The following SAAL1 variants were observed in gnomAD, a reference collection of about 807,000 sequenced individuals.
The protein encoded by SAAL1 is serum amyloid A like 1, also known as protein SAAL1.
Under a neutral mutation model 59.8 loss-of-function variants are expected in SAAL1, and 42 were observed. That is an observed-to-expected ratio of 0.70 (90% CI 0.55 to 0.91). The LOEUF (loss-of-function observed/expected upper bound fraction) is 0.91, where lower values mean the gene tolerates loss of function less well. Ranked by LOEUF, SAAL1 falls within the 40% of genes least tolerant of loss-of-function variation. SAAL1 has a pLI of 0.00. For synonymous variants in SAAL1, 191 were observed against 194.3 expected (o/e 0.98, Z 0.14); for missense variants, 542 against 561.1 (o/e 0.97, Z 0.34).
intron 11 of SAAL1, 95 bp from the exon 12 acceptor site, chr11:18,080,586 A>G (rs1485235903): frequency 2.9e-6 from 2 of 701,172 alleles, no homozygotes; most frequent in South Asian, 1.9e-5. Context: ...AAATGGTCCA[A>G]TGGAAAAGAA....
intron 10 of SAAL1, among the ~76,000 whole-genome samples, chr11:18,082,814 T>C (rs922116979): frequency 2.6e-5 from 4 of 152,150 alleles, no homozygotes; most frequent in African/African-American, 9.7e-5. Flanking sequence ...GTATTTTTTG[T>C]AGAGATGAGG....
chr11:18,084,579 G>C (rs981266536), intron 9 of SAAL1, among the ~76,000 whole-genome samples: 2 of 152,126 alleles, frequency 1.3e-5, no homozygotes, highest in Admixed American at 1.3e-4. Flanking sequence ...TGTCTGGAAT[G>C]TTCTTCTCCC....
intron 3 of SAAL1, among the ~76,000 whole-genome samples, chr11:18,093,227 G>A (rs908880256): frequency 2.6e-5 from 4 of 152,156 alleles, no homozygotes; most frequent in Admixed American, 2.6e-4. Flanking sequence ...CAAGAGTAGT[G>A]ATGCTGGCAA....
Position 18,083,425 on chromosome 11 carries a change from T to C in SAAL1, c.1239+110A>G, listed in dbSNP as rs1848430795. ...TCATGGTGATATTAAGATTTTACTT[T>C]ATTTTCCCAAATTATATATTACTTT... On this transcript the variant is annotated intron_variant, in intron 10 of 11. Transcript: ENST00000524803. The C allele has an allele frequency of 1.4e-5, 9 of 627,364 alleles. No individual in the cohort carries two copies. In the South Asian group the frequency reaches 1.7e-4, roughly 12 times the overall value. 38.9% of individuals were successfully genotyped at this position (627,364 alleles called of 1,614,324 possible). A position where few individuals can be genotyped will look rare whatever the true frequency, so the allele number is the denominator to read the frequency against.
chr11:18,091,563 T>C (rs1848523927), intron 4 of SAAL1, among the ~76,000 whole-genome samples: 1 of 152,202 alleles, frequency 6.6e-6, no homozygotes. Flanking sequence ...TGACAAAAAC[T>C]GCCTAGAACA....
chr11:18,083,475 G>A, intron 10 of SAAL1, 60 bp downstream of exon 10: 4 of 923,280 alleles, frequency 4.3e-6, no homozygotes, highest in Non-Finnish European at 6.3e-6. Context: ...AATAAAGTTT[G>A]AAGCGTTAAG....
At chr11:18,083,360 T>C (rs1443398313) in intron 10 of SAAL1, 175 bp downstream of exon 10, 6 of 493,100 alleles carry the variant, frequency 1.2e-5, no homozygotes, top group Non-Finnish European at 2.1e-5. Flanking sequence ...CACGTAAATA[T>C]ACCAAACCAC....
chr11:18,087,239 G>A lies in SAAL1; in HGVS notation c.771-14C>T. The A allele has an allele frequency of 6.4e-7, 1 of 1,559,440 alleles. No individual in the cohort carries two copies. Among genetic ancestry groups the A allele is most frequent in the Non-Finnish European group, 8.8e-7 (1 of 1,130,848 alleles). On this transcript the variant is annotated splice_polypyrimidine_tract_variant and intron_variant, in intron 7 of 11. Transcript: ENST00000524803. ...GGATTTTCAGAACTAAATAGGAAAA[G>A]TAAAAGCACTGAATCAACAACTTTA...
At position 18,086,465 on chromosome 11, in the gene SAAL1, G is replaced by A. The variant is rs541992854; in HGVS notation, c.1042+401C>T. 7.9e-5 allele frequency among the ~76,000 whole-genome samples: 12 copies of A among 152,264 alleles called. No individual in the cohort carries two copies. The East Asian group carries it at 9.7e-4, about 12-fold the overall frequency. On this transcript the variant is annotated intron_variant, in intron 9 of 11. Transcript: ENST00000524803. ...TGTAATCCCAGCACTTTGGGAGGCCGAGGTGGGTGGATCACCTGAGGTCGG... is the reference window on the plus strand; with the variant it reads ...TGTAATCCCAGCACTTTGGGAGGCCAAGGTGGGTGGATCACCTGAGGTCGG...
chr11:18,082,865 C>T (rs1400469358), intron 10 of SAAL1, among the ~76,000 whole-genome samples: 1 of 152,112 alleles, frequency 6.6e-6, no homozygotes, highest in Non-Finnish European at 1.5e-5. Context: ...CTCCTGGGCT[C>T]AAGTGATCCA....
chr11:18,090,089 A>T, intron 6 of SAAL1, 86 bp downstream of exon 6: 1 of 1,270,182 alleles, frequency 7.9e-7, no homozygotes, highest in Non-Finnish European at 1.1e-6. Context: ...TTTTTTAAAA[A>T]GGTGACTTCT....
intron 9 of SAAL1, among the ~76,000 whole-genome samples, chr11:18,086,489 G>A (rs534699841): frequency 1.3e-5 from 2 of 152,092 alleles, no homozygotes; most frequent in South Asian, 2.1e-4. Context: ...ACCTGAGGTC[G>A]GGAGTTCGAG....
At position 18,086,997 on chromosome 11, in the gene SAAL1, T is replaced by C. The variant is rs372728137; in HGVS notation, c.911A>G (p.His304Arg). ...IWNLLFDLVC[H>R]EFCQSDDPPI... Reference sequence around the variant, plus strand: ...TGGATCATCAGACTGGCAGAATTCATGGCAGACCAGGTCAAAAAGTAAATT... The same window carrying C: ...TGGATCATCAGACTGGCAGAATTCACGGCAGACCAGGTCAAAAAGTAAATT... The change falls in exon 9 of 12, where the codon CAT becomes CGT. Residue 304 changes from histidine to arginine, a missense_variant. Transcript: ENST00000524803. 1 of 1,614,006 alleles carries C rather than the reference T, an allele frequency of 6.2e-7. No homozygotes were observed. The highest frequency in any genetic ancestry group is 8.5e-7 in the Non-Finnish European group (1 of 1,179,964).
chr11:18,090,245 C>A lies in SAAL1; in HGVS notation c.519G>T (p.Trp173Cys), dbSNP rs367917418. The A allele has an allele frequency of 3.6e-5, 58 of 1,609,768 alleles. No homozygotes were observed. Among genetic ancestry groups the A allele is most frequent in the Middle Eastern group, 1.7e-4 (1 of 6,050 alleles). Reference sequence around the variant, plus strand: ...CTGGATGTTCCTGGATCCTTTCAACCCAAACACTGGCCACTTCTGCCTGGG... The same window carrying A: ...CTGGATGTTCCTGGATCCTTTCAACACAAACACTGGCCACTTCTGCCTGGG... ...CLSQAEVASV[W>C]VERIQEHPAI... Residue 173 changes from tryptophan (W) to cysteine (C), a missense_variant, in exon 6 of 12, where the codon TGG (tryptophan) becomes TGT (cysteine). Trp to Cys is a radical substitution (Grantham distance 215). Coordinates refer to ENST00000524803, the MANE Select transcript of SAAL1 (RefSeq NM_138421.3).
At chr11:18,091,308 A>G (rs1848521342) in intron 4 of SAAL1, among the ~76,000 whole-genome samples, 1 of 152,252 alleles carries the variant, frequency 6.6e-6, no homozygotes, top group Non-Finnish European at 1.5e-5. Flanking sequence ...GCACCACACT[A>G]ATATTAAGAC....
Position 18,090,291 on chromosome 11 carries a change from C to G in SAAL1, c.474-1G>C. ...CTGGGAAAGGCAAGTAAGCAACAACCTACATGGTAAACGTGGGTTGAATTT... is the reference window on the plus strand; with the variant it reads ...CTGGGAAAGGCAAGTAAGCAACAACGTACATGGTAAACGTGGGTTGAATTT... On this transcript the variant is annotated splice_acceptor_variant, in intron 5 of 11. Coordinates refer to ENST00000524803, the MANE Select transcript of SAAL1 (RefSeq NM_138421.3). LOFTEE classifies it high-confidence loss of function. The G allele has an allele frequency of 6.3e-7, 1 of 1,591,312 alleles. No homozygotes were observed. Among genetic ancestry groups the G allele is most frequent in the Non-Finnish European group, 8.5e-7 (1 of 1,174,402 alleles).
chr11:18,096,990 C>T (rs1035490916), intron 2 of SAAL1, 136 bp from the exon 3 acceptor site: 28 of 617,848 alleles, frequency 4.5e-5, no homozygotes, highest in Admixed American at 2.2e-4. Flanking sequence ...AATCCTAGCA[C>T]ATTGGGAGGC....
chr11:18,092,050 C>T (rs1303681051), intron 4 of SAAL1, among the ~76,000 whole-genome samples, 195 bp downstream of exon 4: 1 of 152,146 alleles, frequency 6.6e-6, no homozygotes, highest in East Asian at 1.9e-4. Flanking sequence ...AGAAAACAGG[C>T]TTAAATCCTG....
Position 18,105,818 on chromosome 11 carries a change from G to C in SAAL1, c.135+89C>G, listed in dbSNP as rs1212357388. On this transcript the variant is annotated intron_variant, in intron 1 of 11. Coordinates refer to ENST00000524803, the MANE Select transcript of SAAL1 (RefSeq NM_138421.3). ...GGGGAGGGGTCTTTGTGGGGATGGCGGCTCCCGGGGCAGGAGGATTCGCCA... is the reference window on the plus strand; with the variant it reads ...GGGGAGGGGTCTTTGTGGGGATGGCCGCTCCCGGGGCAGGAGGATTCGCCA... 18 of 1,425,318 alleles carry C rather than the reference G, an allele frequency of 1.3e-5. No homozygotes were observed. In the South Asian group the frequency reaches 2.5e-4, roughly 20 times the overall value. The allele number at this position is 1,425,318 out of a possible 1,614,324, so 88.3% of individuals were successfully genotyped here. A position where few individuals can be genotyped will look rare whatever the true frequency, so the allele number is the denominator to read the frequency against.
Sources: gnomAD v4.1 joint callset for allele counts (sites outside exome capture counted in the v4.1 genomes callset) on GRCh38, gnomAD v4.1.1 for gene constraint, MANE v1.5 for transcripts, NCBI Gene and HGNC (gene_info 2026-07-23, HGNC 2026-07-21) for gene names.